Variants in GSG1L observed in about 807,000 individuals in gnomAD.
GSG1L encodes germ cell-specific gene 1-like protein.
GSG1L carries 24 observed loss-of-function variants against 42.1 expected under a neutral mutation model. The ratio of observed to expected loss-of-function variants is 0.57; its 90% CI spans 0.41 to 0.80. The LOEUF is 0.80. Ranked by LOEUF, GSG1L falls within the 30% of genes least tolerant of loss-of-function variation. GSG1L has a pLI of 0.00. For missense variants in GSG1L, 445 were observed against 472.2 expected (o/e 0.94, Z 0.53); for synonymous variants, 215 against 203.5 (o/e 1.06, Z -0.48).
At chr16:27,835,233 T>C (rs1567477255) in intron 4 of GSG1L, among the ~76,000 whole-genome samples, 2 of 152,182 alleles carry the variant, frequency 1.3e-5, no homozygotes. Context: ...TCTTAGTGGA[T>C]TGACTCTTTT....
rs186556652 is a variant in GSG1L at position 27,886,988 on chromosome 16, C to A, written c.398-2350G>T. 1.8e-4 allele frequency among the ~76,000 whole-genome samples: 27 copies of A among 151,986 alleles called. No homozygotes were observed. In the East Asian group the frequency reaches 4.8e-3, roughly 27 times the overall value. On this transcript the variant is annotated intron_variant, in intron 2 of 6. Coordinates refer to ENST00000447459, the MANE Select transcript of GSG1L (RefSeq NM_001109763.2). ...TTTTTCTTTCTTAGACAGGGTCTCACTCTGTCACCCAGGCTGCAGCACAGT... is the reference window on the plus strand; with the variant it reads ...TTTTTCTTTCTTAGACAGGGTCTCAATCTGTCACCCAGGCTGCAGCACAGT...
chr16:27,966,329 C>T (rs777876734), intron 1 of GSG1L, among the ~76,000 whole-genome samples: 2 of 152,118 alleles, frequency 1.3e-5, no homozygotes, highest in Non-Finnish European at 2.9e-5. Context: ...GAAAGCGAGA[C>T]CCCATTTCTA....
intron 2 of GSG1L, among the ~76,000 whole-genome samples, chr16:27,915,129 A>G (rs1320191333): frequency 6.6e-6 from 1 of 151,766 alleles, no homozygotes; most frequent in Non-Finnish European, 1.5e-5. Flanking sequence ...GGCAAAACCC[A>G]GGCTGATGGA....
intron 3 of GSG1L, among the ~76,000 whole-genome samples, chr16:27,869,216 T>G (rs931574715): frequency 1.3e-5 from 2 of 148,394 alleles, no homozygotes; most frequent in Non-Finnish European, 2.9e-5. Flanking sequence ...TACAGGTGAG[T>G]GGAAGTTATG....
chr16:27,846,789 C>G (rs890997508), intron 3 of GSG1L, among the ~76,000 whole-genome samples: 3 of 151,870 alleles, frequency 2.0e-5, no homozygotes, highest in African/African-American at 7.3e-5. Context: ...CCTGTCTCTA[C>G]TAAAAAAATA....
intron 2 of GSG1L, among the ~76,000 whole-genome samples, chr16:27,916,644 A>G (rs2084459341): frequency 6.6e-6 from 1 of 152,046 alleles, no homozygotes; most frequent in Non-Finnish European, 1.5e-5. Context: ...ACCTGAAAGT[A>G]TCTCTCCAAA....
chr16:28,000,089 A>G (rs1218780541), intron 1 of GSG1L, among the ~76,000 whole-genome samples: 1 of 152,226 alleles, frequency 6.6e-6, no homozygotes, highest in Non-Finnish European at 1.5e-5. Context: ...TGTGTGTAAG[A>G]GACGAGTTCA....
At position 28,008,105 on chromosome 16, in the gene GSG1L, T is replaced by G. The variant is rs114673771; in HGVS notation, c.350-44902A>C. On this transcript the variant is annotated intron_variant, in intron 1 of 6. Transcript: ENST00000447459. ...TTGTTTGTTTTTGTTTTTTTAGAGA[T>G]TGAGTCTCTTGTCACCCAGGCTGGA... is the stretch of plus-strand genomic sequence containing the variant. 7.8e-3 allele frequency among the ~76,000 whole-genome samples: 1,185 copies of G among 152,086 alleles called. 11 individuals are homozygous for G. The highest frequency in any genetic ancestry group is 0.026 in the African/African-American group (1,091 of 41,472).
intron 2 of GSG1L, among the ~76,000 whole-genome samples, chr16:27,894,045 C>A (rs557548073): frequency 6.6e-6 from 1 of 152,332 alleles, no homozygotes; most frequent in Non-Finnish European, 1.5e-5. Flanking sequence ...GAGCCACCAA[C>A]CCTGGCCAGC....
At chr16:27,852,633 A>C (rs1324067224) in intron 3 of GSG1L, among the ~76,000 whole-genome samples, 1 of 152,192 alleles carries the variant, frequency 6.6e-6, no homozygotes, top group Non-Finnish European at 1.5e-5. Context: ...TAGGTGGGGC[A>C]CGTGAGAGGT....
chr16:28,063,394 G>A lies in GSG1L; in HGVS notation c.31C>T (p.Leu11=). The A allele has an allele frequency of 7.4e-7, 1 of 1,350,320 alleles. No homozygotes were observed. The highest frequency in any genetic ancestry group is 1.5e-5 in the African/African-American group (1 of 65,192). 83.6% of individuals were successfully genotyped at this position (1,350,320 alleles called of 1,614,324 possible). MKTSRRGRAL[L]AVALNLLALL... is the part of the protein sequence containing the mutation. ...GCCAGCAGGTTCAGGGCCACGGCCA[G>A]GAGCGCTCGGCCGCGGCGGCTAGTC... Residue 11 remains leucine, a synonymous_variant, in exon 1 of 7, where the codon CTG becomes TTG. Coordinates refer to ENST00000447459, the MANE Select transcript of GSG1L (RefSeq NM_001109763.2). The surrounding 1 kb of genome is among the most constrained non-coding windows in gnomAD (Gnocchi z 5.8).
chr16:27,875,890 A>G (rs935015055), intron 3 of GSG1L, among the ~76,000 whole-genome samples: 1 of 152,160 alleles, frequency 6.6e-6, no homozygotes, highest in Non-Finnish European at 1.5e-5. Flanking sequence ...CTGACTGAGA[A>G]TGATACTAAC....
chr16:27,968,010 TGGA>T, intron 1 of GSG1L, among the ~76,000 whole-genome samples: 1 of 152,260 alleles, frequency 6.6e-6, no homozygotes, highest in Non-Finnish European at 1.5e-5. Context: ...ATTGCTGGAA[TGGA>T]GGAGATGTAA....
At chr16:27,966,360 C>T (rs931976339) in intron 1 of GSG1L, among the ~76,000 whole-genome samples, 2 of 152,114 alleles carry the variant, frequency 1.3e-5, no homozygotes, top group Non-Finnish European at 2.9e-5. Context: ...TAAAAATTAG[C>T]CAGCTGTGGT....
At chr16:27,967,002 C>T (rs1158167535) in intron 1 of GSG1L, among the ~76,000 whole-genome samples, 1 of 152,152 alleles carries the variant, frequency 6.6e-6, no homozygotes. Context: ...TTCACCTAAA[C>T]CACTGAGATG....
In GSG1L at chr16:27,922,475, C is replaced by A. The variant is rs180701554; in HGVS notation, c.398-37837G>T. On this transcript the variant is annotated intron_variant, in intron 2 of 6. Transcript: ENST00000447459. ...TCAATGATAATAGATCACCCCCGAC[C>A]CGATCGATAGTACCGATCACCTCTG... Among the ~76,000 whole-genome samples the A allele has an allele frequency of 1.7e-3, 253 of 152,284 alleles. 2 individuals are homozygous for A. Among genetic ancestry groups the A allele is most frequent in the Non-Finnish European group, 2.5e-3 (172 of 68,036 alleles).
intron 3 of GSG1L, among the ~76,000 whole-genome samples, chr16:27,880,135 C>T (rs1380905102): frequency 6.6e-6 from 1 of 152,186 alleles, no homozygotes; most frequent in Non-Finnish European, 1.5e-5. Context: ...AGGAGCAGAG[C>T]AGAAGCCCTC....
At chr16:28,030,767 A>ATAGAC (rs2085949230) in intron 1 of GSG1L, among the ~76,000 whole-genome samples, 1 of 130,026 alleles carries the variant, frequency 7.7e-6, no homozygotes, top group Non-Finnish European at 1.6e-5. Context: ...ATGGGATGGG[A>ATAGAC]TGGGATGGGA....
At chr16:27,912,045 T>G (rs1309739309) in intron 2 of GSG1L, among the ~76,000 whole-genome samples, 1 of 152,148 alleles carries the variant, frequency 6.6e-6, no homozygotes, top group African/African-American at 2.4e-5. Flanking sequence ...TGATCAGCTT[T>G]GGATTCAAGC....
Sources: gnomAD v4.1 joint callset for allele counts (sites outside exome capture counted in the v4.1 genomes callset) on GRCh38, gnomAD v4.1.1 for gene constraint, Gnocchi (gnomAD v3.1) non-coding constraint, MANE v1.5 for transcripts, NCBI Gene and HGNC (gene_info 2026-07-23, HGNC 2026-07-21) for gene names.